Variants in VPS33A observed in about 807,000 individuals in gnomAD.
The protein encoded by VPS33A is vacuolar protein sorting-associated protein 33A.
VPS33A carries 32 observed loss-of-function variants against 71.8 expected under a neutral mutation model. That is an observed-to-expected ratio of 0.45 (90% CI 0.34 to 0.60). The LOEUF (loss-of-function observed/expected upper bound fraction) is 0.60, where lower values mean the gene tolerates loss of function less well. VPS33A is among the 20% of genes least tolerant of loss of function. The pLI is 0.02. For missense variants in VPS33A, 625 were observed against 748.5 expected (o/e 0.84, Z 1.92); for synonymous variants, 311 against 292.7 (o/e 1.06, Z -0.64).
chr12:122,253,550 C>CAA lies in VPS33A; in HGVS notation c.484-2453_484-2452dup, dbSNP rs35143468. On this transcript the variant is annotated intron_variant, in intron 4 of 12. Coordinates refer to ENST00000267199, the MANE Select transcript of VPS33A (RefSeq NM_022916.6). Reference sequence around the variant, plus strand: ...CCGGGGCAACAGAGCAAGACTGTCTCAAAAAAAAAAAAAAAAAAGACATTA... The same window carrying CAA: ...CCGGGGCAACAGAGCAAGACTGTCTCAAAAAAAAAAAAAAAAAAAAGACATTA... 260 of 83,234 alleles carry CAA rather than the reference C, an allele frequency of 3.1e-3. 4 individuals carry two copies. The highest frequency in any genetic ancestry group is 7.1e-3 in the East Asian group (25 of 3,524). The allele number at this position is 83,234 out of a possible 1,614,324, so 5.2% of individuals were successfully genotyped here.
intron 10 of VPS33A, among the ~76,000 whole-genome samples, chr12:122,238,157 A>G (rs1954654971): frequency 6.6e-6 from 1 of 152,214 alleles, no homozygotes; most frequent in African/African-American, 2.4e-5. Context: ...AAAAATTTAT[A>G]CAACAGTCGT....
rs149891450 is a variant in VPS33A, at chr12:122,232,330, A to G, written c.1707T>C (p.Asp569=). 1 of 1,614,116 alleles carries G rather than the reference A, an allele frequency of 6.2e-7. No individual in the cohort carries two copies. Among genetic ancestry groups the G allele is most frequent in the Admixed American group, 1.7e-5 (1 of 59,996 alleles). ...TGGCAATGACATATTCTGTACCTCC[A>G]TCTTCCAACTGGGAGAGAAATCGCA... ...AALRFLSQLE[D]GGTEYVIATT... The change falls in exon 13 of 13, where the codon GAT becomes GAC. Residue 569 remains aspartate (D), a synonymous_variant. Transcript: ENST00000267199.
chr12:122,251,629 T>C (rs1954844501), intron 4 of VPS33A, among the ~76,000 whole-genome samples: 1 of 151,946 alleles, frequency 6.6e-6, no homozygotes, highest in Non-Finnish European at 1.5e-5. Context: ...AATATATATT[T>C]TTGCATTGAA....
At chr12:122,244,374 C>G (rs568106705) in intron 7 of VPS33A, among the ~76,000 whole-genome samples, 195 bp downstream of exon 7, 6 of 152,182 alleles carry the variant, frequency 3.9e-5, no homozygotes, top group African/African-American at 1.4e-4. Flanking sequence ...AAGAACTTTA[C>G]GCAACGCGGG....
chr12:122,238,807 A>ACACACACACACACACACACAC (rs1954667580), intron 9 of VPS33A, 83 bp from the exon 10 acceptor site: 1 of 1,143,396 alleles, frequency 8.7e-7, no homozygotes, highest in African/African-American at 1.7e-5. Flanking sequence ...ACACACACAC[A>ACACACACACACACACACACAC]ATACATGGTT....
At chr12:122,239,016 CACACA>C (rs1566039470) in intron 9 of VPS33A, among the ~76,000 whole-genome samples, 5 of 151,502 alleles carry the variant, frequency 3.3e-5, no homozygotes, top group South Asian at 2.1e-4. Flanking sequence ...CACACACACA[CACACA>C]CCCCCCAGTG....
chr12:122,237,534 CTTTTT>C (rs59918502), intron 10 of VPS33A, among the ~76,000 whole-genome samples: 7 of 111,792 alleles, frequency 6.3e-5, no homozygotes, highest in African/African-American at 2.6e-4. Context: ...TAAAGTTTTT[CTTTTT>C]TTTTTTTTTT....
At chr12:122,264,557 ATTTTTGTAC>A (rs1039711296) in intron 1 of VPS33A, among the ~76,000 whole-genome samples, 2 of 151,870 alleles carry the variant, frequency 1.3e-5, no homozygotes, top group African/African-American at 4.8e-5. Flanking sequence ...TGCCTGGCCA[ATTTTTGTAC>A]TTTTTGTAGA....
chr12:122,237,952 T>C (rs1240390727), intron 10 of VPS33A, among the ~76,000 whole-genome samples: 1 of 151,752 alleles, frequency 6.6e-6, no homozygotes, highest in Non-Finnish European at 1.5e-5. Flanking sequence ...CCTGGTAAAT[T>C]TTTGTATTTT....
rs773305485 is a variant in VPS33A at position 122,238,436 on chromosome 12, G to A, written c.1302+151C>T. On this transcript the variant is annotated intron_variant, in intron 10 of 12. Coordinates refer to ENST00000267199, the MANE Select transcript of VPS33A (RefSeq NM_022916.6). ...GGGGTTTCACCATGTTGGCCAGGCT[G>A]GTCTCAAACTCCTAACCTCAAGTGA... 6.0e-4 allele frequency: 542 copies of A among 898,978 alleles called. 1 individual carries two copies. The highest frequency in any genetic ancestry group is 8.0e-4 in the Non-Finnish European group (504 of 631,942). The allele number at this position is 898,978 out of a possible 1,614,324, so 55.7% of individuals were successfully genotyped here.
chr12:122,244,445 G>A (rs1954751480), intron 7 of VPS33A, 124 bp downstream of exon 7: 4 of 797,966 alleles, frequency 5.0e-6, no homozygotes, highest in Admixed American at 2.8e-5. Flanking sequence ...AGTTACTGAA[G>A]ATGAGAAAAG....
chr12:122,260,970 G>A (rs757464934), intron 4 of VPS33A, among the ~76,000 whole-genome samples: 4 of 152,204 alleles, frequency 2.6e-5, no homozygotes, highest in Middle Eastern at 3.4e-3. Context: ...GCGAGACTCC[G>A]TCTCAAAAAA....
intron 3 of VPS33A, 144 bp downstream of exon 3, chr12:122,263,428 T>A: frequency 1.0e-6 from 1 of 1,004,426 alleles, no homozygotes; most frequent in Non-Finnish European, 1.4e-6. Context: ...CATCTTCTCT[T>A]TTATATTCTT....
At chr12:122,246,050 G>C (rs1053019160) in intron 6 of VPS33A, among the ~76,000 whole-genome samples, 9 of 152,038 alleles carry the variant, frequency 5.9e-5, no homozygotes, top group South Asian at 2.1e-4. Context: ...TATTTTCCTG[G>C]AACACCCCAC....
chr12:122,236,597 G>A (rs1451823106), intron 10 of VPS33A, among the ~76,000 whole-genome samples: 6 of 152,226 alleles, frequency 3.9e-5, no homozygotes, highest in Admixed American at 3.3e-4. Flanking sequence ...TTGTGCCACT[G>A]CACTCCACTC....
intron 3 of VPS33A, 150 bp from the exon 4 acceptor site, chr12:122,261,597 A>C (rs2136151573): frequency 2.7e-6 from 2 of 737,044 alleles, no homozygotes; most frequent in Admixed American, 5.9e-5. Context: ...GGCCGGGTGC[A>C]GTGGCTCACA....
intron 4 of VPS33A, among the ~76,000 whole-genome samples, chr12:122,256,849 G>A (rs1954925977): frequency 6.6e-6 from 1 of 152,178 alleles, no homozygotes; most frequent in Admixed American, 6.5e-5. Context: ...CTCTCCAACA[G>A]AAAGCTGATT....
intron 11 of VPS33A, among the ~76,000 whole-genome samples, chr12:122,235,466 G>A (rs1156555677): frequency 6.6e-6 from 1 of 151,900 alleles, no homozygotes; most frequent in Non-Finnish European, 1.5e-5. Flanking sequence ...GGTTTCCCAT[G>A]TTAGTCAGGC....
chr12:122,245,510 C>G (rs1269717849), intron 6 of VPS33A, among the ~76,000 whole-genome samples: 1 of 149,262 alleles, frequency 6.7e-6, no homozygotes, highest in Non-Finnish European at 1.5e-5. Flanking sequence ...ATGGCACGAT[C>G]TCGGCTCACT....
Sources: gnomAD v4.1 joint callset for allele counts (sites outside exome capture counted in the v4.1 genomes callset) on GRCh38, gnomAD v4.1.1 for gene constraint, MANE v1.5 for transcripts, NCBI Gene and HGNC (gene_info 2026-07-23, HGNC 2026-07-21) for gene names.